SPAG16: variants seen among roughly 807,000 people sequenced by gnomAD.
SPAG16 encodes sperm associated antigen 16.
In SPAG16, 86 loss-of-function variants were observed where a neutral mutation model predicts 80.4. That is an observed-to-expected ratio of 1.07 (90% CI 0.90 to 1.28). The LOEUF (loss-of-function observed/expected upper bound fraction) is 1.28, where lower values mean the gene tolerates loss of function less well. SPAG16 is among the 50% of genes most tolerant of loss of function. The pLI is 0.00. For synonymous variants in SPAG16, 294 were observed against 265.9 expected, an observed-to-expected ratio of 1.11 and a Z score of -1.03; for missense variants, 870 against 765.3, an observed-to-expected ratio of 1.14 and a Z score of -1.61.
At chr2:213,825,487 G>A (rs994609270) in intron 10 of SPAG16, among the ~76,000 whole-genome samples, 3 of 151,830 alleles carry the variant, frequency 2.0e-5, no homozygotes, top group African/African-American at 4.8e-5. Flanking sequence ...ATGATCATAT[G>A]GTTTTTTTCC....
chr2:213,587,600 T>A (rs2060517684), intron 10 of SPAG16, among the ~76,000 whole-genome samples: 2 of 152,238 alleles, frequency 1.3e-5, no homozygotes, highest in South Asian at 4.1e-4. Context: ...AATTTCTTTA[T>A]CAAATAGTCA....
intron 11 of SPAG16, among the ~76,000 whole-genome samples, chr2:213,871,253 G>A (rs192492955): frequency 6.6e-6 from 1 of 151,978 alleles, no homozygotes; most frequent in East Asian, 1.9e-4. Context: ...GAATAAGGAC[G>A]TTCAAAAATA....
At chr2:214,321,740 T>C (rs1266337835) in intron 15 of SPAG16, among the ~76,000 whole-genome samples, 1 of 152,248 alleles carries the variant, frequency 6.6e-6, no homozygotes, top group Non-Finnish European at 1.5e-5. Flanking sequence ...TAGACTGGTA[T>C]ATTATTGAAA....
At chr2:214,090,028 A>G (rs2052066515) in intron 13 of SPAG16, among the ~76,000 whole-genome samples, 1 of 151,980 alleles carries the variant, frequency 6.6e-6, no homozygotes, top group Non-Finnish European at 1.5e-5. Context: ...TAGAGATTCA[A>G]TTTTTTAATG....
At chr2:213,851,592 C>A (rs2074912302) in intron 10 of SPAG16, among the ~76,000 whole-genome samples, 1 of 152,134 alleles carries the variant, frequency 6.6e-6, no homozygotes, top group Non-Finnish European at 1.5e-5. Flanking sequence ...CATTGAGTAT[C>A]TATTAGGTCT....
At chr2:213,760,590 G>A (rs554823263) in intron 10 of SPAG16, among the ~76,000 whole-genome samples, 6 of 151,006 alleles carry the variant, frequency 4.0e-5, no homozygotes, top group Admixed American at 2.0e-4. Flanking sequence ...CAACAACAGC[G>A]TACACATTCT....
At chr2:214,231,111 A>G (rs914801673) in intron 15 of SPAG16, among the ~76,000 whole-genome samples, 15 of 151,984 alleles carry the variant, frequency 9.9e-5, no homozygotes, top group Admixed American at 2.6e-4. Context: ...GGATCCAGAC[A>G]TCGTTGGAAT....
chr2:214,267,204 A>G (rs1223332978), intron 15 of SPAG16, among the ~76,000 whole-genome samples: 1 of 151,860 alleles, frequency 6.6e-6, no homozygotes, highest in Non-Finnish European at 1.5e-5. Flanking sequence ...AATAGATAAA[A>G]AGATAAAAGC....
chr2:213,976,034 C>T (rs2045352415), intron 12 of SPAG16, among the ~76,000 whole-genome samples: 1 of 150,108 alleles, frequency 6.7e-6, no homozygotes, highest in Admixed American at 6.7e-5. Context: ...GTCTCCTCTT[C>T]ATACAGCTTC....
intron 15 of SPAG16, among the ~76,000 whole-genome samples, chr2:214,384,530 T>C (rs1437081734): frequency 2.0e-5 from 3 of 152,202 alleles, no homozygotes; most frequent in Non-Finnish European, 2.9e-5. Context: ...AATTTTCCTC[T>C]CCACAACCAG....
At chr2:214,256,976 G>C (rs1690735335) in intron 15 of SPAG16, among the ~76,000 whole-genome samples, 1 of 151,720 alleles carries the variant, frequency 6.6e-6, no homozygotes, top group Admixed American at 6.6e-5. Context: ...AACTCTTTTG[G>C]TGTGGAATGT....
intron 15 of SPAG16, among the ~76,000 whole-genome samples, chr2:214,264,096 T>C (rs1226388471): frequency 6.6e-6 from 1 of 152,180 alleles, no homozygotes; most frequent in Non-Finnish European, 1.5e-5. Context: ...GTCTGGACTG[T>C]TGAAACCACC....
chr2:213,353,788 T>C (rs1391771619), intron 7 of SPAG16, among the ~76,000 whole-genome samples: 1 of 152,236 alleles, frequency 6.6e-6, no homozygotes, highest in Non-Finnish European at 1.5e-5. Context: ...TGTCCTCATT[T>C]GTTACAGCAA....
chr2:213,565,114 A>G (rs990668976), intron 10 of SPAG16, among the ~76,000 whole-genome samples: 1 of 152,226 alleles, frequency 6.6e-6, no homozygotes, highest in African/African-American at 2.4e-5. Context: ...TAAGAACATT[A>G]GGCCTAGCTC....
At chr2:213,768,364 G>C (rs2069058531) in intron 10 of SPAG16, among the ~76,000 whole-genome samples, 1 of 152,180 alleles carries the variant, frequency 6.6e-6, no homozygotes, top group Admixed American at 6.5e-5. Context: ...CCAGTGCCAA[G>C]AGTGGATTGC....
intron 13 of SPAG16, among the ~76,000 whole-genome samples, chr2:214,104,113 G>T (rs1034116096): frequency 1.4e-4 from 22 of 152,124 alleles, no homozygotes; most frequent in Non-Finnish European, 2.4e-4. Context: ...CTCCCCAGGG[G>T]TCTCTATCTT....
chr2:214,236,979 A>G (rs1559147117), intron 15 of SPAG16, among the ~76,000 whole-genome samples: 1 of 152,176 alleles, frequency 6.6e-6, no homozygotes, highest in Admixed American at 6.6e-5. Context: ...CCAGAGTGAC[A>G]TCTTCTTTCC....
intron 13 of SPAG16, among the ~76,000 whole-genome samples, chr2:214,093,500 A>G (rs1414685700): frequency 6.6e-6 from 1 of 150,414 alleles, no homozygotes; most frequent in African/African-American, 2.5e-5. Flanking sequence ...GCATATGTGT[A>G]TATATGTGTG....
rs917419316 is a variant in SPAG16, at chr2:214,329,759, C to T, written c.1721-80381C>T. Among the ~76,000 whole-genome samples the T allele has an allele frequency of 5.9e-5, 9 of 152,064 alleles. No homozygotes were observed. In the South Asian group the frequency reaches 1.7e-3, roughly 28 times the overall value. ...AGGATTTTCTTCCCAAGTACTTTCC[C>T]TAGAGTATATAAATCAATGCAACAG... On this transcript the variant is annotated intron_variant, in intron 15 of 15. Transcript: ENST00000331683.
Sources: gnomAD v4.1 joint callset for allele counts (sites outside exome capture counted in the v4.1 genomes callset) on GRCh38, gnomAD v4.1.1 for gene constraint, MANE v1.5 for transcripts, NCBI Gene and HGNC (gene_info 2026-07-23, HGNC 2026-07-21) for gene names.